EP400: variants seen among roughly 807,000 people sequenced by gnomAD.
EP400 encodes E1A binding protein p400, also known as E1A-binding protein p400.
EP400 carries 105 observed loss-of-function variants against 354.1 expected under a neutral mutation model. The ratio of observed to expected loss-of-function variants is 0.30; its 90% confidence interval spans 0.25 to 0.35. The LOEUF (loss-of-function observed/expected upper bound fraction) is 0.35, where lower values mean the gene tolerates loss of function less well. Ranked by LOEUF, EP400 falls within the 10% of genes least tolerant of loss-of-function variation. The pLI is 1.00. For missense variants in EP400, 3,280 were observed against 4,121.0 expected (o/e 0.80, Z 5.59); for synonymous variants, 1,646 against 1,716.9 (o/e 0.96, Z 1.02).
Position 132,020,183 on chromosome 12 carries a change from C to T in EP400, c.4412C>T (p.Pro1471Leu). Residue 1471 changes from proline (P) to leucine (L), a missense_variant, in exon 22 of 53, where the codon CCC becomes CTC. Coordinates refer to ENST00000389561, the MANE Select transcript of EP400 (RefSeq NM_015409.5). The part of the protein sequence containing the change: ...APQGPLRGRP[P>L]IATFSANPEA... The stretch of plus-strand genomic sequence containing the variant: ...CAGGGCCCGCTTCGAGGACGGCCGC[C>T]CATCGCCACGTTCTCTGCCAATCCG... 1 of 1,610,224 alleles carries T rather than the reference C, an allele frequency of 6.2e-7. No homozygotes were observed. Among genetic ancestry groups the T allele is most frequent in the Non-Finnish European group, 8.5e-7 (1 of 1,178,450 alleles).
At chr12:131,997,015 A>G (rs1037125772) in intron 12 of EP400, among the ~76,000 whole-genome samples, 1 of 152,206 alleles carries the variant, frequency 6.6e-6, no homozygotes, top group Non-Finnish European at 1.5e-5. Context: ...TGGAAACTGC[A>G]ACTTTAAGTG....
chr12:132,026,771 A>G (rs1158852073), intron 25 of EP400, among the ~76,000 whole-genome samples: 2 of 152,088 alleles, frequency 1.3e-5, no homozygotes, highest in Non-Finnish European at 2.9e-5. Context: ...GAGTTCTGAC[A>G]ACCTCAGCCT....
chr12:131,960,886 C>G lies in EP400; in HGVS notation c.267C>G (p.Ile89Met), dbSNP rs141047004. The change falls in exon 2 of 53, where the codon ATC becomes ATG. Residue 89 changes from isoleucine (I) to methionine (M), a missense_variant. Coordinates refer to ENST00000389561, the MANE Select transcript of EP400 (RefSeq NM_015409.5). ...CTGTCGTCGGGGGAAACCAGCAGAT[C>G]ACACTGGCCCCACTGCCGCTCCCCA... ...VGPVVGGNQQ[I>M]TLAPLPLPSP... The G allele has an allele frequency of 1.2e-6, 2 of 1,614,022 alleles. No homozygotes were observed. Among genetic ancestry groups the G allele is most frequent in the Non-Finnish European group, 1.7e-6 (2 of 1,180,026 alleles).
intron 23 of EP400, among the ~76,000 whole-genome samples, chr12:132,023,053 A>T (rs1894173128): frequency 1.3e-5 from 2 of 151,980 alleles, no homozygotes; most frequent in Non-Finnish European, 2.9e-5. Flanking sequence ...TAAATTGGAC[A>T]GGTACTTTTC....
intron 32 of EP400, among the ~76,000 whole-genome samples, chr12:132,039,316 G>A (rs1894817026): frequency 6.6e-6 from 1 of 152,352 alleles, no homozygotes; most frequent in Non-Finnish European, 1.5e-5. Context: ...CAGAGTTCAG[G>A]ATTGAGCATC....
At position 132,017,513 on chromosome 12, in the gene EP400, G is replaced by T; in HGVS notation, c.3924-22G>T. 6.2e-7 allele frequency: 1 copy of T among 1,611,638 alleles called. No homozygotes were observed. The highest frequency in any genetic ancestry group is 8.5e-7 in the Non-Finnish European group (1 of 1,178,942). ...ATGTGCCGTTTGGATTGAATGCTTCGTGTTTCTTTCTCCACGGGCAGCACT... is the reference window on the plus strand; with the variant it reads ...ATGTGCCGTTTGGATTGAATGCTTCTTGTTTCTTTCTCCACGGGCAGCACT... On this transcript the variant is annotated intron_variant, in intron 19 of 52. Coordinates refer to ENST00000389561, the MANE Select transcript of EP400 (RefSeq NM_015409.5). The surrounding 1 kb of genome is among the most constrained non-coding windows in gnomAD (Gnocchi z 5.0).
intron 19 of EP400, among the ~76,000 whole-genome samples, chr12:132,015,086 GCCTGGGCAC>G (rs1186558905): frequency 6.6e-6 from 1 of 152,258 alleles, no homozygotes; most frequent in Non-Finnish European, 1.5e-5. Context: ...CGCATGTGGA[GCCTGGGCAC>G]CCTCGAGAGG....
chr12:132,027,364 G>A lies in EP400; in HGVS notation c.5015-73G>A. The A allele has an allele frequency of 6.7e-7, 1 of 1,487,126 alleles. No individual in the cohort carries two copies. Among genetic ancestry groups the A allele is most frequent in the Non-Finnish European group, 9.4e-7 (1 of 1,067,890 alleles). The allele number at this position is 1,487,126 out of a possible 1,614,324, so 92.1% of individuals were successfully genotyped here. A position where few individuals can be genotyped will look rare whatever the true frequency, so the allele number is the denominator to read the frequency against. ...GTGCTGGTGGAGGGTGAGGTTCCAT[G>A]GAGCATGCTGGTGTCAGATGAAATC... On this transcript the variant is annotated intron_variant, in intron 25 of 52. Coordinates refer to ENST00000389561, the MANE Select transcript of EP400 (RefSeq NM_015409.5). This position sits in a 1 kb window ranked among gnomAD's most constrained non-coding sequence, Gnocchi z 4.9.
chr12:132,035,364 G>A (rs1894658889), intron 30 of EP400, among the ~76,000 whole-genome samples: 1 of 152,214 alleles, frequency 6.6e-6, no homozygotes, highest in Non-Finnish European at 1.5e-5. Flanking sequence ...GCCATCCCAC[G>A]GTGTTGAGCA....
In EP400 at chr12:131,982,461, C is replaced by T; in HGVS notation, c.1912C>T (p.Leu638Phe). ...PGKVQVQASQ[L>F]SSLPQMVAST... Reference sequence around the variant, plus strand: ...AAAGGTGCAGGTGCAGGCCTCTCAGCTTTCCTCCCTGCCACAGGTATGAGA... The same window carrying T: ...AAAGGTGCAGGTGCAGGCCTCTCAGTTTTCCTCCCTGCCACAGGTATGAGA... Residue 638 changes from leucine (L) to phenylalanine (F), a missense_variant, in exon 5 of 53, where the codon CTT becomes TTT. This residue lies in a region of EP400 where 800 missense variants were observed against 840.0 expected (regional missense o/e 0.95). Transcript: ENST00000389561. 6.2e-7 allele frequency: 1 copy of T among 1,605,260 alleles called. No individual in the cohort carries two copies. The highest frequency in any genetic ancestry group is 8.5e-7 in the Non-Finnish European group (1 of 1,173,534).
chr12:132,029,538 C>G lies in EP400; in HGVS notation c.5382-163C>G, dbSNP rs1894417229. The G allele has an allele frequency of 1.4e-6, 1 of 728,604 alleles. No homozygotes were observed. Among genetic ancestry groups the G allele is most frequent in the African/African-American group, 1.8e-5 (1 of 56,392 alleles). 45.1% of individuals were successfully genotyped at this position (728,604 alleles called of 1,614,324 possible). Reference sequence around the variant, plus strand: ...CTGGTTAGGATCTGCCTCGTTGGGCCCCTGCCCGTGTGCCAACACCCACAT... The same window carrying G: ...CTGGTTAGGATCTGCCTCGTTGGGCGCCTGCCCGTGTGCCAACACCCACAT... On this transcript the variant is annotated intron_variant, in intron 27 of 52. Transcript: ENST00000389561. The surrounding 1 kb of genome is among the most constrained non-coding windows in gnomAD (Gnocchi z 4.7).
chr12:132,040,563 A>G (rs1428172479), intron 32 of EP400, among the ~76,000 whole-genome samples: 1 of 152,200 alleles, frequency 6.6e-6, no homozygotes, highest in Non-Finnish European at 1.5e-5. Context: ...ATACTTGTTG[A>G]TTGTCTTACT....
intron 15 of EP400, among the ~76,000 whole-genome samples, chr12:132,009,250 C>T (rs1277379437): frequency 1.3e-5 from 2 of 151,996 alleles, no homozygotes; most frequent in East Asian, 3.9e-4. Flanking sequence ...GCCTATGCTT[C>T]TAAAACTAGG....
At position 132,029,909 on chromosome 12, in the gene EP400, C is replaced by T. The variant is rs79985228; in HGVS notation, c.5584+6C>T. On this transcript the variant is annotated splice_donor_region_variant and intron_variant, in intron 28 of 52. Coordinates refer to ENST00000389561, the MANE Select transcript of EP400 (RefSeq NM_015409.5). This position sits in a 1 kb window ranked among gnomAD's most constrained non-coding sequence, Gnocchi z 4.7. ...GCTGGTGCAGTTCGACTCAGGTATG[C>T]GGCAGTTGGGGGCGTGGCCCGTGCG... 0.04 allele frequency: 64,180 copies of T among 1,611,788 alleles called. 1,492 individuals are homozygous for T. The highest frequency in any genetic ancestry group is 0.052 in the Middle Eastern group (312 of 6,028).
intron 19 of EP400, 99 bp downstream of exon 19, chr12:132,014,012 G>A: frequency 6.6e-7 from 1 of 1,517,274 alleles, no homozygotes; most frequent in Non-Finnish European, 8.9e-7. Flanking sequence ...TTTCCGCAAG[G>A]ATTGGGTGTC....
intron 10 of EP400, among the ~76,000 whole-genome samples, chr12:131,991,894 C>T (rs1231099508): frequency 6.6e-6 from 1 of 152,198 alleles, no homozygotes; most frequent in African/African-American, 2.4e-5. Flanking sequence ...GCCTATTACT[C>T]CCTTTCATTA....
intron 2 of EP400, among the ~76,000 whole-genome samples, chr12:131,967,596 A>G (rs933851372): frequency 6.6e-5 from 10 of 151,754 alleles, no homozygotes; most frequent in Non-Finnish European, 1.3e-4. Flanking sequence ...AGTCTGAGGC[A>G]GGAAAATCTC....
At chr12:131,997,991 C>T (rs1413184474) in intron 12 of EP400, among the ~76,000 whole-genome samples, 1 of 152,162 alleles carries the variant, frequency 6.6e-6, no homozygotes, top group Non-Finnish European at 1.5e-5. Flanking sequence ...GAAATGAGTG[C>T]AGTTTCCTTT....
Position 131,961,000 on chromosome 12 carries a change from G to A in EP400, c.381G>A (p.Leu127=). The A allele has an allele frequency of 1.2e-6, 2 of 1,603,850 alleles. No homozygotes were observed. The highest frequency in any genetic ancestry group is 1.7e-6 in the Non-Finnish European group (2 of 1,175,822). Residue 127 remains leucine (L), a synonymous_variant, in exon 2 of 53, where the codon TTG becomes TTA. Transcript: ENST00000389561. The stretch of plus-strand genomic sequence containing the variant: ...CATACATTCAGGTCACGTCCCCCTT[G>A]TCCCAGCAGGTCCAGACCCAGAGTC... The part of the protein sequence containing the change: ...SPSYIQVTSP[L]SQQVQTQSPT...
Sources: gnomAD v4.1 joint callset for allele counts (sites outside exome capture counted in the v4.1 genomes callset) on GRCh38, gnomAD v4.1.1 for gene constraint, gnomAD v4.1.1 regional missense constraint, Gnocchi (gnomAD v3.1) non-coding constraint, MANE v1.5 for transcripts, NCBI Gene and HGNC (gene_info 2026-07-23, HGNC 2026-07-21) for gene names.